NUAK1: variants seen among roughly 807,000 people sequenced by gnomAD.
The protein encoded by NUAK1 is NUAK family kinase 1, also known as NUAK family SNF1-like kinase 1.
Under a neutral mutation model 56.9 loss-of-function variants are expected in NUAK1, and 26 were observed. The observed-to-expected ratio is 0.46, with a 90% confidence interval of 0.33 to 0.63. The LOEUF (loss-of-function observed/expected upper bound fraction) is 0.63. Ranked by LOEUF, NUAK1 falls within the 30% of genes least tolerant of loss-of-function variation. The probability of loss-of-function intolerance (pLI) is 0.02; values close to 1 mark genes in which losing one functional copy is unlikely to be tolerated. For synonymous variants in NUAK1, 337 were observed against 336.0 expected (o/e 1.00, Z -0.03); for missense variants, 727 against 876.1 (o/e 0.83, Z 2.15).
chr12:106,075,314 CACACAG>C (rs965098076), intron 4 of NUAK1, among the ~76,000 whole-genome samples: 2 of 151,034 alleles, frequency 1.3e-5, no homozygotes, highest in Admixed American at 6.6e-5. Flanking sequence ...CACACACACA[CACACAG>C]AGAGAGAGAG....
chr12:106,099,066 C>T (rs924990412), intron 2 of NUAK1, among the ~76,000 whole-genome samples: 4 of 152,130 alleles, frequency 2.6e-5, no homozygotes, highest in African/African-American at 9.7e-5. Context: ...GAAAAGTGTA[C>T]GTCTATCCTC....
At chr12:106,119,916 T>C (rs185307876) in intron 1 of NUAK1, among the ~76,000 whole-genome samples, 2 of 152,308 alleles carry the variant, frequency 1.3e-5, no homozygotes, top group Non-Finnish European at 2.9e-5. Context: ...GAGAAAGATT[T>C]CCTGAAGAAA....
At chr12:106,123,867 G>A (rs555731561) in intron 1 of NUAK1, among the ~76,000 whole-genome samples, 3 of 152,118 alleles carry the variant, frequency 2.0e-5, no homozygotes, top group Admixed American at 6.5e-5. Context: ...CACTGGGCCC[G>A]AGACACTGCA....
At chr12:106,112,869 T>C (rs1295577885) in intron 1 of NUAK1, among the ~76,000 whole-genome samples, 1 of 152,220 alleles carries the variant, frequency 6.6e-6, no homozygotes, top group Non-Finnish European at 1.5e-5. Flanking sequence ...AGCCCTTTAA[T>C]GTTGTAAGAG....
chr12:106,129,932 T>C (rs2033059576), intron 1 of NUAK1, among the ~76,000 whole-genome samples: 1 of 152,094 alleles, frequency 6.6e-6, no homozygotes, highest in African/African-American at 2.4e-5. Context: ...TGAACCCAAG[T>C]CTGTCTGATT....
At chr12:106,079,064 G>C (rs1241151790) in intron 4 of NUAK1, among the ~76,000 whole-genome samples, 2 of 152,220 alleles carry the variant, frequency 1.3e-5, no homozygotes, top group Non-Finnish European at 2.9e-5. Context: ...GGTCTTTAGA[G>C]TCAAATAGCC....
intron 1 of NUAK1, among the ~76,000 whole-genome samples, chr12:106,108,496 C>T (rs1479971825): frequency 6.9e-6 from 1 of 145,520 alleles, no homozygotes; most frequent in African/African-American, 2.5e-5. Flanking sequence ...GCAAGAAAAA[C>T]TTCCCTTCAC....
At position 106,064,975 on chromosome 12, in the gene NUAK1, G is replaced by C. The variant is rs922105928; in HGVS notation, c.*1827C>G. The C allele has an allele frequency of 6.6e-6, 1 of 152,250 alleles. No homozygotes were observed. The highest frequency in any genetic ancestry group is 2.1e-4 in the South Asian group (1 of 4,826). The allele number at this position is 152,250 out of a possible 1,614,324, so 9.4% of individuals were successfully genotyped here. A position where few individuals can be genotyped will look rare whatever the true frequency, so the allele number is the denominator to read the frequency against. On this transcript the variant is annotated 3_prime_UTR_variant, in exon 7 of 7. Coordinates refer to ENST00000261402, the MANE Select transcript of NUAK1 (RefSeq NM_014840.3). ...AACACCAGAGCCGGTGGCAAGGGGAGAGCCCAAACTGTCTCCTTAAGGAAA... is the reference window on the plus strand; with the variant it reads ...AACACCAGAGCCGGTGGCAAGGGGACAGCCCAAACTGTCTCCTTAAGGAAA...
intron 2 of NUAK1, among the ~76,000 whole-genome samples, chr12:106,087,571 G>C (rs1017717565): frequency 6.6e-6 from 1 of 152,196 alleles, no homozygotes; most frequent in Non-Finnish European, 1.5e-5. Context: ...TATTAAATGA[G>C]TAAACTCAAA....
At chr12:106,134,522 T>TC (rs756627580) in intron 1 of NUAK1, among the ~76,000 whole-genome samples, 1 of 151,666 alleles carries the variant, frequency 6.6e-6, no homozygotes. Context: ...CATCCCAGAC[T>TC]CCCCCCCAGG....
chr12:106,121,699 G>A (rs1030982790), intron 1 of NUAK1, among the ~76,000 whole-genome samples: 16 of 152,050 alleles, frequency 1.1e-4, no homozygotes, highest in African/African-American at 2.9e-4. Flanking sequence ...ACAGTGTGCC[G>A]AGACTGTGCC....
At chr12:106,073,218 C>G (rs776888208) in intron 4 of NUAK1, among the ~76,000 whole-genome samples, 15 of 152,158 alleles carry the variant, frequency 9.9e-5, no homozygotes, top group Non-Finnish European at 1.5e-4. Flanking sequence ...AAGTGTGTAA[C>G]TATTAATTTA....
Position 106,138,812 on chromosome 12 carries a change from G to A in NUAK1, c.-159C>T, listed in dbSNP as rs1486999190. 2.9e-6 allele frequency: 3 copies of A among 1,049,704 alleles called. No individual in the cohort carries two copies. Among genetic ancestry groups the A allele is most frequent in the South Asian group, 4.5e-5 (2 of 44,078 alleles). The allele number at this position is 1,049,704 out of a possible 1,614,324, so 65.0% of individuals were successfully genotyped here. On this transcript the variant is annotated 5_prime_UTR_variant, in exon 1 of 7. Coordinates refer to ENST00000261402, the MANE Select transcript of NUAK1 (RefSeq NM_014840.3). The surrounding 1 kb of genome is among the most constrained non-coding windows in gnomAD (Gnocchi z 5.0). ...CTCGGACTGCGGCTCGGTCACTGGC[G>A]GCGGCGGGGACTGCACATCTGGCGC...
At position 106,067,265 on chromosome 12, in the gene NUAK1, T is replaced by A; in HGVS notation, c.1523A>T (p.Asp508Val). Residue 508 changes from aspartate to valine, a missense_variant, in exon 7 of 7, where the codon GAC (aspartate) becomes GTC (valine). Coordinates refer to ENST00000261402, the MANE Select transcript of NUAK1 (RefSeq NM_014840.3). This position sits in a 1 kb window ranked among gnomAD's most constrained non-coding sequence, Gnocchi z 6.0. ...GCTGTGGGAGGTTACCCTGGCTGGG[T>A]CCGGGGGGCTGGGGGAGGGGATGCT... ...GSSIPSPSPP[D>V]PARVTSHSLS... 6.2e-7 allele frequency: 1 copy of A among 1,613,856 alleles called. No homozygotes were observed.
chr12:106,092,606 C>G (rs866346613), intron 2 of NUAK1, among the ~76,000 whole-genome samples: 3 of 152,240 alleles, frequency 2.0e-5, no homozygotes, highest in Middle Eastern at 6.8e-3. Flanking sequence ...ATTCTCATTG[C>G]TCTAGAGTAC....
intron 1 of NUAK1, among the ~76,000 whole-genome samples, chr12:106,122,126 G>C (rs916304270): frequency 6.6e-6 from 1 of 152,188 alleles, no homozygotes; most frequent in Non-Finnish European, 1.5e-5. Context: ...CCATTGAACA[G>C]TTAAGCTCCT....
intron 2 of NUAK1, among the ~76,000 whole-genome samples, chr12:106,096,409 C>T (rs1429057861): frequency 6.6e-6 from 1 of 152,132 alleles, no homozygotes; most frequent in African/African-American, 2.4e-5. Context: ...CGTGGCTGGA[C>T]AGGCTCACAG....
At chr12:106,070,142 G>A (rs982354988) in intron 6 of NUAK1, among the ~76,000 whole-genome samples, 1 of 152,208 alleles carries the variant, frequency 6.6e-6, no homozygotes, top group Non-Finnish European at 1.5e-5. Context: ...ACCTCAGAGA[G>A]CACTGAGGAA....
At chr12:106,069,900 T>TCA (rs2032386788) in intron 6 of NUAK1, among the ~76,000 whole-genome samples, 1 of 152,170 alleles carries the variant, frequency 6.6e-6, no homozygotes, top group Non-Finnish European at 1.5e-5. Flanking sequence ...ACACTCTCTA[T>TCA]ACAGGCATGA....
Sources: gnomAD v4.1 joint callset for allele counts (sites outside exome capture counted in the v4.1 genomes callset) on GRCh38, gnomAD v4.1.1 for gene constraint, Gnocchi (gnomAD v3.1) non-coding constraint, MANE v1.5 for transcripts, NCBI Gene and HGNC (gene_info 2026-07-23, HGNC 2026-07-21) for gene names.